The following ATP8B2 variants were observed in gnomAD, a reference collection of about 807,000 sequenced individuals.
ATP8B2 encodes the protein phospholipid-transporting ATPase ID.
In ATP8B2, 70 loss-of-function variants were observed where a neutral mutation model predicts 133.4. That is an observed-to-expected ratio of 0.52 (90% CI 0.43 to 0.64). The LOEUF (loss-of-function observed/expected upper bound fraction) is 0.64, where lower values mean the gene tolerates loss of function less well. Among genes scored for constraint, ATP8B2 ranks in the 30% least tolerant of loss-of-function variants. ATP8B2 has a pLI of 0.00. For synonymous variants in ATP8B2, 517 were observed against 589.5 expected, an observed-to-expected ratio of 0.88 and a Z score of 1.78; for missense variants, 1,101 against 1,535.7, an observed-to-expected ratio of 0.72 and a Z score of 4.73.
chr1:154,341,956 G>A (rs1001399930), intron 13 of ATP8B2, among the ~76,000 whole-genome samples: 2 of 152,122 alleles, frequency 1.3e-5, no homozygotes, highest in African/African-American at 4.8e-5. Context: ...ACTCTCCCCT[G>A]TTGCTGCTCA....
In ATP8B2 at chr1:154,344,679, T is replaced by C. The variant is rs1436429186; in HGVS notation, c.2180T>C (p.Val727Ala). The change falls in exon 21 of 28, where the codon GTA becomes GCA. Residue 727 changes from valine (V) to alanine (A), a missense_variant. Physicochemically the swap from Val to Ala is moderately conservative, Grantham distance 64. Transcript: ENST00000368489. The surrounding 1 kb of genome is among the most constrained non-coding windows in gnomAD (Gnocchi z 4.1). ...AAGATGATGGACTCATCCCGCTCCG[T>C]AGGCAACGGCTTCACCTATCAGGAC... is the stretch of plus-strand genomic sequence containing the variant. ...REKMMDSSRSVGNGFTYQDKL... is the reference protein window; with the variant it reads ...REKMMDSSRSAGNGFTYQDKL... 1.9e-6 allele frequency: 3 copies of C among 1,611,682 alleles called. No individual in the cohort carries two copies. Among genetic ancestry groups the C allele is most frequent in the African/African-American group, 1.3e-5 (1 of 74,902 alleles).
rs1032132772 is a variant in ATP8B2, at chr1:154,351,191, T to C, written c.*2073T>C. ...GGAGGGAAGAAAGTACCAAGTTGCA[T>C]TGAGCTGTAATTAAGGAACATTATA... On this transcript the variant is annotated 3_prime_UTR_variant, in exon 28 of 28. Transcript: ENST00000368489. 2 of 151,752 alleles carry C rather than the reference T, an allele frequency of 1.3e-5. No individual in the cohort carries two copies. The highest frequency in any genetic ancestry group is 3.2e-3 in the Middle Eastern group (1 of 312). The allele number at this position is 151,752 out of a possible 1,614,324, so 9.4% of individuals were successfully genotyped here.
intron 11 of ATP8B2, among the ~76,000 whole-genome samples, chr1:154,335,794 C>G (rs573482596): frequency 2.0e-5 from 3 of 151,886 alleles, no homozygotes; most frequent in Middle Eastern, 6.8e-3. Context: ...AATCCCAGCA[C>G]TTTGGGAGAC....
chr1:154,329,184 A>G, intron 2 of ATP8B2: 1 of 1,027,376 alleles, frequency 9.7e-7, no homozygotes, highest in South Asian at 1.6e-5. Flanking sequence ...TCCTCTTTCC[A>G]GACCCAGAGA....
rs1300478335 is a variant in ATP8B2 at position 154,342,979 on chromosome 1, C to T, written c.1453+18C>T. 1.4e-5 allele frequency: 23 copies of T among 1,612,796 alleles called. No individual in the cohort carries two copies. The African/African-American group carries it at 1.5e-4, about 10-fold the overall frequency. On this transcript the variant is annotated intron_variant, in intron 15 of 27. Transcript: ENST00000368489. The stretch of plus-strand genomic sequence containing the variant: ...GAACGAAGGTGGGCCGAGGAGCCGG[C>T]TCGCACTCTCCTGACCTGACTCTGC...
chr1:154,327,859 C>G (rs1435616559), intron 1 of ATP8B2: 1 of 1,613,270 alleles, frequency 6.2e-7, no homozygotes, highest in East Asian at 2.2e-5. Context: ...CCTTTCCCTA[C>G]AGGCATGGGC....
In ATP8B2 at chr1:154,346,712, C is replaced by T; in HGVS notation, c.3117C>T (p.His1039=). Residue 1039 remains histidine (H), a synonymous_variant, in exon 26 of 28, where the codon CAC becomes CAT. Coordinates refer to ENST00000368489, the MANE Select transcript of ATP8B2 (RefSeq NM_001370597.1). This position sits in a 1 kb window ranked among gnomAD's most constrained non-coding sequence, Gnocchi z 4.5. Reference sequence around the variant, plus strand: ...ACTTTGCCATCCTCTTTGCCATGCACAGCAATGGGCTCTTCGACATGTTTC... The same window carrying T: ...ACTTTGCCATCCTCTTTGCCATGCATAGCAATGGGCTCTTCGACATGTTTC... ...AVYFAILFAM[H]SNGLFDMFPN... 1.9e-6 allele frequency: 3 copies of T among 1,614,210 alleles called. No homozygotes were observed. The highest frequency in any genetic ancestry group is 2.5e-6 in the Non-Finnish European group (3 of 1,180,052).
rs1392248661 is a variant in ATP8B2 at position 154,325,568 on chromosome 1, C to G, written c.-172C>G. The G allele has an allele frequency of 2.0e-5, 3 of 151,950 alleles. No individual in the cohort carries two copies. The highest frequency in any genetic ancestry group is 1.3e-4 in the Admixed American group (2 of 15,266). The allele number at this position is 151,950 out of a possible 1,614,324, so 9.4% of individuals were successfully genotyped here. ...CCGAAACTGACACAAAGTAGCGGGC[C>G]GAGGCCCCGGGGGAGCGGGGCCGCA... On this transcript the variant is annotated 5_prime_UTR_variant, in exon 1 of 28. Transcript: ENST00000368489.
chr1:154,346,610 C>T lies in ATP8B2; in HGVS notation c.3025-10C>T, dbSNP rs183272699. The T allele has an allele frequency of 2.1e-5, 34 of 1,614,186 alleles. No individual in the cohort carries two copies. The Admixed American group carries it at 3.7e-4, about 17-fold the overall frequency. The stretch of plus-strand genomic sequence containing the variant: ...GCGTGCGCCTGCCTGACTATGCCTA[C>T]TTTCTGCAGATTGGGCTCGACACAG... On this transcript the variant is annotated splice_polypyrimidine_tract_variant and intron_variant, in intron 25 of 27. Coordinates refer to ENST00000368489, the MANE Select transcript of ATP8B2 (RefSeq NM_001370597.1). The surrounding 1 kb of genome is among the most constrained non-coding windows in gnomAD (Gnocchi z 4.5).
Position 154,345,306 on chromosome 1 carries a change from T to C in ATP8B2, c.2471-16T>C. ...GGTGGCCATCTTCACCCTCTTGTCA[T>C]CTCTTGTCTCTGCAGCGGCTCACAT... On this transcript the variant is annotated splice_polypyrimidine_tract_variant and intron_variant, in intron 22 of 27. Transcript: ENST00000368489. This position sits in a 1 kb window ranked among gnomAD's most constrained non-coding sequence, Gnocchi z 5.6. 1 of 1,613,550 alleles carries C rather than the reference T, an allele frequency of 6.2e-7. No homozygotes were observed.
Position 154,343,124 on chromosome 1 carries a change from T to A in ATP8B2, c.1465T>A (p.Tyr489Asn). 1 of 1,613,960 alleles carries A rather than the reference T, an allele frequency of 6.2e-7. No individual in the cohort carries two copies. The change falls in exon 16 of 28, where the codon TAC becomes AAC. Residue 489 changes from tyrosine (Y) to asparagine (N), a missense_variant. Physicochemically the swap from Tyr to Asn is moderately radical, Grantham distance 143 (BLOSUM62 -2). Transcript: ENST00000368489. This position sits in a 1 kb window ranked among gnomAD's most constrained non-coding sequence, Gnocchi z 5.8. ...TCCTCCCCACCCAGGAGAGCTGTAC[T>A]ACAAAGCTCAGTCCCCAGATGAGGG... Reference protein sequence around the residue: ...SEEKNEGELYYKAQSPDEGAL... With the variant: ...SEEKNEGELYNKAQSPDEGAL...
In ATP8B2 at chr1:154,349,176, T is replaced by TGAGG; in HGVS notation, c.*61_*64dup. ...AGAGCACCCAGGGCTGGCCAGTCAC[T>TGAGG]GAGGGAACAGCGTCTCGGAACTGCT... On this transcript the variant is annotated 3_prime_UTR_variant, in exon 28 of 28. Coordinates refer to ENST00000368489, the MANE Select transcript of ATP8B2 (RefSeq NM_001370597.1). The TGAGG allele has an allele frequency of 1.3e-6, 2 of 1,574,684 alleles. No homozygotes were observed. Among genetic ancestry groups the TGAGG allele is most frequent in the Non-Finnish European group, 1.7e-6 (2 of 1,156,366 alleles).
chr1:154,334,111 A>G lies in ATP8B2; in HGVS notation c.594A>G (p.Glu198=). 6.2e-7 allele frequency: 1 copy of G among 1,614,090 alleles called. No individual in the cohort carries two copies. Among genetic ancestry groups the G allele is most frequent in the Non-Finnish European group, 8.5e-7 (1 of 1,179,956 alleles). The change falls in exon 10 of 28, where the codon GAA becomes GAG. Residue 198 remains glutamate, a synonymous_variant. Transcript: ENST00000368489. This position sits in a 1 kb window ranked among gnomAD's most constrained non-coding sequence, Gnocchi z 4.6. ...DISKLAKFDG[E]VICEPPNNKL... ...GAATTCTTGTCTCCTGTTCAGGTGAAGTGATCTGTGAACCTCCCAACAACA... is the reference window on the plus strand; with the variant it reads ...GAATTCTTGTCTCCTGTTCAGGTGAGGTGATCTGTGAACCTCCCAACAACA...
rs1686332646 is a variant in ATP8B2 at position 154,340,259 on chromosome 1, C to T, written c.1035-595C>T. ...GTGTTCTGCAGATGCCCAGGGCCCT[C>T]TCCCTCTGGAGTCAGCACCTCAGCC... is the stretch of plus-strand genomic sequence containing the variant. On this transcript the variant is annotated intron_variant, in intron 12 of 27. Transcript: ENST00000368489. The surrounding 1 kb of genome is among the most constrained non-coding windows in gnomAD (Gnocchi z 4.0). 6.6e-6 allele frequency among the ~76,000 whole-genome samples: 1 copy of T among 152,196 alleles called. No homozygotes were observed. Among genetic ancestry groups the T allele is most frequent in the Non-Finnish European group, 1.5e-5 (1 of 68,028 alleles).
At chr1:154,327,470 G>A (rs1685826431) in intron 1 of ATP8B2, among the ~76,000 whole-genome samples, 1 of 152,156 alleles carries the variant, frequency 6.6e-6, no homozygotes, top group Non-Finnish European at 1.5e-5. Flanking sequence ...GGGTTGGGAA[G>A]ACCCCTCTGC....
intron 2 of ATP8B2, among the ~76,000 whole-genome samples, chr1:154,329,754 C>T (rs1042656690): frequency 2.0e-5 from 3 of 152,058 alleles, no homozygotes; most frequent in Non-Finnish European, 4.4e-5. Flanking sequence ...CTGAAACGCA[C>T]CCCCCACACC....
chr1:154,346,428 C>A lies in ATP8B2; in HGVS notation c.2976C>A (p.Ser992=), dbSNP rs1480175480. 6.2e-7 allele frequency: 1 copy of A among 1,614,140 alleles called. No homozygotes were observed. Among genetic ancestry groups the A allele is most frequent in the Admixed American group, 1.7e-5 (1 of 60,010 alleles). The stretch of plus-strand genomic sequence containing the variant: ...GCACTCAGCTGGCTGACTACCAGTC[C>A]TTTGCAGTCACTGTGGCCACATCCT... The part of the protein sequence containing the change: ...DDGTQLADYQ[S]FAVTVATSLV... The change falls in exon 25 of 28, where the codon TCC becomes TCA. Residue 992 remains serine, a synonymous_variant. Coordinates refer to ENST00000368489, the MANE Select transcript of ATP8B2 (RefSeq NM_001370597.1). The surrounding 1 kb of genome is among the most constrained non-coding windows in gnomAD (Gnocchi z 4.5).
intron 1 of ATP8B2, among the ~76,000 whole-genome samples, chr1:154,325,946 G>A (rs1415910382): frequency 6.6e-6 from 1 of 152,196 alleles, no homozygotes; most frequent in African/African-American, 2.4e-5. Context: ...TGGGAGGATG[G>A]GGTGCCGAAG....
At position 154,342,819 on chromosome 1, in the gene ATP8B2, C is replaced by T. The variant is rs992225720; in HGVS notation, c.1311C>T (p.Ser437=). ...AGAGGCCTGAACCTGTTGACTTCTC[C>T]TTCAATCCTCTGGCTGACAAGAAGT... is the stretch of plus-strand genomic sequence containing the variant. The part of the protein sequence containing the change: ...LGERPEPVDF[S]FNPLADKKFL... The change falls in exon 15 of 28, where the codon TCC becomes TCT. Residue 437 remains serine (S), a synonymous_variant. Transcript: ENST00000368489. The T allele has an allele frequency of 1.9e-6, 3 of 1,614,198 alleles. No individual in the cohort carries two copies. The South Asian group carries it at 3.3e-5, about 18-fold the overall frequency.
Sources: allele counts gnomAD v4.1 joint callset (sites outside exome capture counted in the v4.1 genomes callset), GRCh38; gene constraint gnomAD v4.1.1; non-coding constraint Gnocchi (gnomAD v3.1); transcripts MANE v1.5; gene names NCBI Gene and HGNC (gene_info 2026-07-23, HGNC 2026-07-21).